Variants in RBFOX3 observed in about 807,000 individuals in gnomAD.
The protein encoded by RBFOX3 is RNA binding fox-1 homolog 3, also known as RNA binding protein fox-1 homolog 3.
Under a neutral mutation model 48.7 loss-of-function variants are expected in RBFOX3, and 17 were observed. The ratio of observed to expected loss-of-function variants is 0.35; its 90% confidence interval spans 0.24 to 0.52. The LOEUF (loss-of-function observed/expected upper bound fraction) is 0.52. Ranked by LOEUF, RBFOX3 falls within the 20% of genes least tolerant of loss-of-function variation. The probability of loss-of-function intolerance (pLI) is 0.94; values close to 1 mark genes in which losing one functional copy is unlikely to be tolerated. For missense variants in RBFOX3, 382 were observed against 497.5 expected (o/e 0.77, Z 2.21); for synonymous variants, 212 against 209.5 (o/e 1.01, Z -0.10).
intron 4 of RBFOX3, among the ~76,000 whole-genome samples, chr17:79,170,633 A>G (rs1363677357): frequency 6.6e-6 from 1 of 151,450 alleles, no homozygotes; most frequent in Admixed American, 6.6e-5. Context: ...AAGCTTCCCC[A>G]TCCACCCCTC....
intron 2 of RBFOX3, among the ~76,000 whole-genome samples, chr17:79,432,764 G>A (rs1555729085): frequency 6.6e-6 from 1 of 152,074 alleles, no homozygotes; most frequent in Admixed American, 6.6e-5. Context: ...TTCAGAAAAG[G>A]AGACAACGTA....
chr17:79,542,299 A>AT (rs1555790584), intron 1 of RBFOX3, among the ~76,000 whole-genome samples: 1 of 152,206 alleles, frequency 6.6e-6, no homozygotes, highest in Non-Finnish European at 1.5e-5. Flanking sequence ...CTGCAGACTC[A>AT]CAAGGGGCTC....
intron 4 of RBFOX3, among the ~76,000 whole-genome samples, chr17:79,117,689 C>T (rs749328066): frequency 4.6e-4 from 70 of 152,328 alleles, no homozygotes; most frequent in Non-Finnish European, 8.4e-4. Flanking sequence ...CCTAGCCTGT[C>T]CTCTGCATCC....
chr17:79,095,896 T>A (rs2075136317), intron 12 of RBFOX3, among the ~76,000 whole-genome samples: 1 of 152,200 alleles, frequency 6.6e-6, no homozygotes, highest in African/African-American at 2.4e-5. Flanking sequence ...CGGGTACCCA[T>A]GACTCATCTG....
chr17:79,232,163 G>A (rs2061113071), intron 4 of RBFOX3, among the ~76,000 whole-genome samples: 1 of 152,106 alleles, frequency 6.6e-6, no homozygotes. Flanking sequence ...TGACACATGG[G>A]GATTACAATT....
chr17:79,274,071 G>T (rs551270014), intron 3 of RBFOX3, among the ~76,000 whole-genome samples: 2 of 152,202 alleles, frequency 1.3e-5, no homozygotes, highest in Admixed American at 6.5e-5. Flanking sequence ...GGCGGACGCT[G>T]ACCCCATGCA....
At chr17:79,335,115 C>T (rs72849101) in intron 2 of RBFOX3, among the ~76,000 whole-genome samples, 13,483 of 152,264 alleles carry the variant, frequency 0.089, 792 homozygotes, top group South Asian at 0.18. Flanking sequence ...ATTAGAGGGG[C>T]GTATGTGGGC....
chr17:79,385,537 G>A (rs543532270), intron 2 of RBFOX3, among the ~76,000 whole-genome samples: 98 of 152,272 alleles, frequency 6.4e-4, no homozygotes, highest in African/African-American at 2.1e-3. Flanking sequence ...TGCTGGCTGA[G>A]CCTGGTCCCC....
chr17:79,106,425 C>T (rs1293406833), intron 6 of RBFOX3, among the ~76,000 whole-genome samples: 2 of 151,916 alleles, frequency 1.3e-5, no homozygotes, highest in Non-Finnish European at 2.9e-5. Flanking sequence ...TCCCCCTACT[C>T]CTCAGCTTGA....
At chr17:79,168,340 T>A (rs997379358) in intron 4 of RBFOX3, among the ~76,000 whole-genome samples, 21 of 152,256 alleles carry the variant, frequency 1.4e-4, no homozygotes, top group African/African-American at 5.1e-4. Flanking sequence ...CACAATTGCA[T>A]GGCACCTGCC....
chr17:79,563,362 C>T lies in RBFOX3; in HGVS notation c.-320+47464G>A, dbSNP rs2144285493. On this transcript the variant is annotated intron_variant, in intron 1 of 14. Coordinates refer to ENST00000693108, the MANE Select transcript of RBFOX3 (RefSeq NM_001350451.2). Reference sequence around the variant, plus strand: ...GCCTGGTGAGGCAGGAAATGAAACGCCTCGCTTCCGTCTGCAAGGAAAGGG... The same window carrying T: ...GCCTGGTGAGGCAGGAAATGAAACGTCTCGCTTCCGTCTGCAAGGAAAGGG... 3.9e-5 allele frequency among the ~76,000 whole-genome samples: 6 copies of T among 152,352 alleles called. No homozygotes were observed. In the South Asian group the frequency reaches 1.2e-3, roughly 32 times the overall value.
At chr17:79,306,142 G>A (rs994945319) in intron 3 of RBFOX3, among the ~76,000 whole-genome samples, 15 of 152,230 alleles carry the variant, frequency 9.9e-5, no homozygotes, top group East Asian at 1.9e-4. Flanking sequence ...GCCTGCAGGC[G>A]GCGGCTGCTG....
intron 14 of RBFOX3, 42 bp downstream of exon 14, chr17:79,094,409 T>C: frequency 7.0e-7 from 1 of 1,429,000 alleles, no homozygotes; most frequent in Non-Finnish European, 9.4e-7. Flanking sequence ...TGCCCAGCTG[T>C]TAGGACTGGC....
At chr17:79,463,157 A>C (rs2075663452) in intron 2 of RBFOX3, among the ~76,000 whole-genome samples, 1 of 145,302 alleles carries the variant, frequency 6.9e-6, no homozygotes. Flanking sequence ...CTCCACCACC[A>C]TCGCCACTGC....
chr17:79,457,231 C>T (rs568513653), intron 2 of RBFOX3, among the ~76,000 whole-genome samples: 46 of 152,258 alleles, frequency 3.0e-4, no homozygotes, highest in Middle Eastern at 6.8e-3. Context: ...GATGGTCGGA[C>T]GGATGAGGGC....
At chr17:79,407,487 T>C (rs965101755) in intron 2 of RBFOX3, among the ~76,000 whole-genome samples, 3 of 152,264 alleles carry the variant, frequency 2.0e-5, no homozygotes, top group Non-Finnish European at 4.4e-5. Context: ...CGCATCTTCA[T>C]TGAAGTGCTG....
chr17:79,407,980 C>T (rs1106220), intron 2 of RBFOX3, among the ~76,000 whole-genome samples: 143,623 of 152,282 alleles, frequency 0.94, 68,329 homozygotes, highest in East Asian at 1. Flanking sequence ...GTGTCGAGCA[C>T]GGAACCCAGG....
At chr17:79,470,337 A>G (rs1479687397) in intron 2 of RBFOX3, among the ~76,000 whole-genome samples, 2 of 152,184 alleles carry the variant, frequency 1.3e-5, no homozygotes, top group African/African-American at 4.8e-5. Context: ...GAAAGAGTAA[A>G]GACTGTCAAC....
At chr17:79,218,066 G>A (rs540412032) in intron 4 of RBFOX3, among the ~76,000 whole-genome samples, 6 of 152,148 alleles carry the variant, frequency 3.9e-5, no homozygotes, top group East Asian at 1.9e-4. Context: ...TCAGGTGGAC[G>A]GTGGTACCCA....
Sources: allele counts gnomAD v4.1 joint callset (sites outside exome capture counted in the v4.1 genomes callset), GRCh38; gene constraint gnomAD v4.1.1; transcripts MANE v1.5; gene names NCBI Gene and HGNC (gene_info 2026-07-23, HGNC 2026-07-21).